The following CASK variants were observed in gnomAD, a reference collection of about 807,000 sequenced individuals.
CASK encodes the protein peripheral plasma membrane protein CASK.
CASK carries 4 observed loss-of-function variants against 82.9 expected under a neutral mutation model. That is an observed-to-expected ratio of 0.05 (90% CI 0.02 to 0.11). The LOEUF (loss-of-function observed/expected upper bound fraction) is 0.11. Among genes scored for constraint, CASK ranks in the 10% least tolerant of loss-of-function variants. The pLI, the probability that CASK is intolerant of heterozygous loss-of-function variation, is 1.00. For synonymous variants in CASK, 259 were observed against 253.5 expected (o/e 1.02, Z -0.20); for missense variants, 358 against 720.9 (o/e 0.50, Z 5.76).
intron 5 of CASK, among the ~76,000 whole-genome samples, chrX:41,713,833 TC>T (rs1367546750): frequency 1.8e-5 from 2 of 111,411 alleles, no homozygotes; most frequent in African/African-American, 3.3e-5. Flanking sequence ...AAAGTGGAAA[TC>T]GATGGGGTTA....
intron 15 of CASK, among the ~76,000 whole-genome samples, chrX:41,576,317 C>T (rs1167347782): frequency 9.0e-6 from 1 of 111,153 alleles, no homozygotes; most frequent in Non-Finnish European, 1.9e-5. Context: ...CACAAACAAT[C>T]AAGCAGCTGT....
chrX:41,606,691 GCA>G (rs1334607058), intron 12 of CASK, among the ~76,000 whole-genome samples: 3 of 109,389 alleles, frequency 2.7e-5, no homozygotes, highest in Admixed American at 2.0e-4. Context: ...AGAAGATACT[GCA>G]CCTTTTTTTT....
At chrX:41,811,426 T>G (rs2070282938) in intron 2 of CASK, among the ~76,000 whole-genome samples, 1 of 112,712 alleles carries the variant, frequency 8.9e-6, no homozygotes, top group African/African-American at 3.2e-5. Context: ...AATTCAGGAT[T>G]AAGAAACTCA....
chrX:41,694,215 A>G (rs190093099), intron 5 of CASK, among the ~76,000 whole-genome samples: 2 of 112,545 alleles, frequency 1.8e-5, no homozygotes, highest in East Asian at 5.6e-4. Flanking sequence ...CTTCTTATGC[A>G]TTTTTCATTT....
intron 21 of CASK, among the ~76,000 whole-genome samples, chrX:41,547,351 T>C (rs2065037689): frequency 9.0e-6 from 1 of 111,661 alleles, no homozygotes; most frequent in Non-Finnish European, 1.9e-5. Context: ...TCTTACAATT[T>C]GTTTGTTGTA....
chrX:41,767,329 C>T (rs755043008), intron 3 of CASK, among the ~76,000 whole-genome samples: 92 of 111,623 alleles, frequency 8.2e-4, no homozygotes, highest in African/African-American at 2.3e-3. Flanking sequence ...GCTTGAGATG[C>T]GTGGATTTTA....
intron 14 of CASK, among the ~76,000 whole-genome samples, chrX:41,579,315 A>C (rs1284749011): frequency 3.6e-5 from 4 of 112,341 alleles, no homozygotes; most frequent in Non-Finnish European, 7.5e-5. Flanking sequence ...TAAATATGTT[A>C]AATTTTTTTG....
chrX:41,646,661 G>A (rs1015293630), intron 8 of CASK, among the ~76,000 whole-genome samples: 1 of 111,705 alleles, frequency 9.0e-6, no homozygotes, highest in South Asian at 3.7e-4. Flanking sequence ...CAGTATCAAC[G>A]TAGACCCAGA....
chrX:41,865,903 G>C (rs2071583115), intron 1 of CASK, among the ~76,000 whole-genome samples: 1 of 111,912 alleles, frequency 8.9e-6, no homozygotes, highest in Admixed American at 9.4e-5. Flanking sequence ...AAACCTTGAG[G>C]GGGAGGGGGT....
chrX:41,679,637 T>C, intron 5 of CASK, among the ~76,000 whole-genome samples: 1 of 111,896 alleles, frequency 8.9e-6, no homozygotes. Context: ...GTTTTTTTTT[T>C]AATTATTATG....
At chrX:41,542,599 A>C (rs2064962515) in intron 22 of CASK, 92 bp downstream of exon 22, 1 of 582,622 alleles carries the variant, frequency 1.7e-6, no homozygotes, top group African/African-American at 2.2e-5. Flanking sequence ...TTTTTTGGAT[A>C]GAGAACACTG....
At chrX:41,693,848 T>C (rs1569402092) in intron 5 of CASK, among the ~76,000 whole-genome samples, 1 of 111,684 alleles carries the variant, frequency 9.0e-6, no homozygotes, top group African/African-American at 3.3e-5. Context: ...GTTCCTCTTC[T>C]GTGGAATCAA....
intron 1 of CASK, among the ~76,000 whole-genome samples, chrX:41,865,654 A>G (rs1369796591): frequency 9.0e-6 from 1 of 111,256 alleles, no homozygotes; most frequent in Non-Finnish European, 1.9e-5. Context: ...TTATTGTTAG[A>G]AGACTTGATG....
chrX:41,764,365 A>C (rs2069068701), intron 3 of CASK, among the ~76,000 whole-genome samples: 1 of 109,912 alleles, frequency 9.1e-6, no homozygotes, highest in Admixed American at 9.8e-5. Context: ...TTCTCCCTCT[A>C]TATACTCTTC....
chrX:41,529,044 C>G (rs752913016), intron 25 of CASK, among the ~76,000 whole-genome samples: 1 of 112,581 alleles, frequency 8.9e-6, no homozygotes, highest in East Asian at 2.8e-4. Context: ...TGGGCAATCC[C>G]TATCCCCAGG....
At chrX:41,884,532 C>T (rs886579964) in intron 1 of CASK, among the ~76,000 whole-genome samples, 7 of 112,203 alleles carry the variant, frequency 6.2e-5, no homozygotes, top group Admixed American at 5.7e-4. Flanking sequence ...AATCATCCAT[C>T]TGCTTCTTTT....
intron 25 of CASK, among the ~76,000 whole-genome samples, chrX:41,528,831 T>A (rs893255311): frequency 5.4e-5 from 6 of 111,781 alleles, no homozygotes; most frequent in Non-Finnish European, 7.5e-5. Flanking sequence ...GAAGGCAGGA[T>A]GAAGGCCTTG....
chrX:41,634,925 G>A (rs2066527910), intron 9 of CASK, among the ~76,000 whole-genome samples: 1 of 112,198 alleles, frequency 8.9e-6, no homozygotes, highest in African/African-American at 3.2e-5. Context: ...GATTTTTAAA[G>A]CAAATAGAGA....
intron 4 of CASK, among the ~76,000 whole-genome samples, chrX:41,740,737 C>A (rs192536437): frequency 6.0e-4 from 68 of 112,466 alleles, no homozygotes; most frequent in Middle Eastern, 4.6e-3. Flanking sequence ...CTCCTTACAA[C>A]GGGGCTTTAA....
Sources: allele counts gnomAD v4.1 joint callset (sites outside exome capture counted in the v4.1 genomes callset), GRCh38; gene constraint gnomAD v4.1.1; transcripts MANE v1.5; gene names NCBI Gene and HGNC (gene_info 2026-07-23, HGNC 2026-07-21).